CLVS1: variants seen among roughly 807,000 people sequenced by gnomAD.
CLVS1 encodes the protein clavesin 1.
CLVS1 carries 10 observed loss-of-function variants against 33.1 expected under a neutral mutation model. The observed-to-expected ratio is 0.30, with a 90% CI of 0.19 to 0.51. CLVS1 has a LOEUF of 0.51. CLVS1 is among the 20% of genes least tolerant of loss of function. The pLI is 0.97. For synonymous variants in CLVS1, 163 were observed against 166.1 expected (o/e 0.98, Z 0.14); for missense variants, 343 against 433.4 (o/e 0.79, Z 1.85).
chr8:61,467,552 C>T (rs10092232), intron 5 of CLVS1, among the ~76,000 whole-genome samples: 1 of 152,044 alleles, frequency 6.6e-6, no homozygotes, highest in African/African-American at 2.4e-5. Context: ...TGGACAGGCA[C>T]GGGTACAAAT....
At chr8:61,278,813 G>A (rs1040484283) in intron 2 of CLVS1, among the ~76,000 whole-genome samples, 3 of 152,180 alleles carry the variant, frequency 2.0e-5, no homozygotes, top group Non-Finnish European at 2.9e-5. Flanking sequence ...ATCACTGAGG[G>A]TGGCTTTGCC....
In CLVS1 at chr8:61,217,014, GT is replaced by G. The variant is rs570042686; in HGVS notation, c.-151-82662del. Among the ~76,000 whole-genome samples the G allele has an allele frequency of 4.4e-3, 664 of 152,130 alleles. 3 individuals carry two copies. Among genetic ancestry groups the G allele is most frequent in the Non-Finnish European group, 7.4e-3 (502 of 67,992 alleles). ...AAAAGTTTGCTCATCACTCATCTAG[GT>G]CTAAATTTTCCATCTTCTCTTTTCT... is the stretch of plus-strand genomic sequence containing the variant. On this transcript the variant is annotated intron_variant, in intron 2 of 2. Transcript: ENST00000522621.
intron 2 of CLVS1, among the ~76,000 whole-genome samples, chr8:61,215,183 G>A (rs769030182): frequency 7.9e-5 from 12 of 152,152 alleles, no homozygotes; most frequent in Admixed American, 2.6e-4. Flanking sequence ...GGATGAGGAT[G>A]TCAGGTATTC....
At chr8:61,401,415 T>A (rs948683598) in intron 3 of CLVS1, among the ~76,000 whole-genome samples, 24 of 152,166 alleles carry the variant, frequency 1.6e-4, no homozygotes, top group Non-Finnish European at 1.6e-4. Flanking sequence ...TTTTCATAGA[T>A]GTCTTGTATC....
chr8:61,287,583 T>G (rs1328588053), upstream of CLVS1, among the ~76,000 whole-genome samples: 1 of 152,230 alleles, frequency 6.6e-6, no homozygotes, highest in Admixed American at 6.5e-5. Context: ...TTTTAAATTT[T>G]ATGTTTTTGA....
chr8:61,037,479 C>T, the CLVS1 span, among the ~76,000 whole-genome samples: 1 of 152,166 alleles, frequency 6.6e-6, no homozygotes, highest in Non-Finnish European at 1.5e-5. Flanking sequence ...CATTTTAAGG[C>T]CGCATAATAT....
intron 5 of CLVS1, among the ~76,000 whole-genome samples, chr8:61,492,712 T>C (rs2129608689): frequency 6.6e-6 from 1 of 152,352 alleles, no homozygotes. Flanking sequence ...GGTTTTCTTA[T>C]ATTTCCAGTT....
At chr8:61,260,450 C>T (rs1809178667) in intron 2 of CLVS1, among the ~76,000 whole-genome samples, 1 of 152,234 alleles carries the variant, frequency 6.6e-6, no homozygotes. Context: ...TGCTAGCAGA[C>T]ATCTGTTCTC....
At chr8:60,995,645 A>G in the CLVS1 span, among the ~76,000 whole-genome samples, 1 of 152,256 alleles carries the variant, frequency 6.6e-6, no homozygotes, top group East Asian at 1.9e-4. Context: ...CATTTGACCC[A>G]GCCATCCCAT....
chr8:61,025,616 C>T, the CLVS1 span, among the ~76,000 whole-genome samples: 1 of 152,112 alleles, frequency 6.6e-6, no homozygotes, highest in African/African-American at 2.4e-5. Flanking sequence ...GAAGGCAAAC[C>T]CTTCGAAATA....
intron 1 of CLVS1, among the ~76,000 whole-genome samples, chr8:61,097,291 CA>C (rs563688254): frequency 7.0e-5 from 10 of 143,138 alleles, no homozygotes; most frequent in South Asian, 2.2e-4. Context: ...GACTCCATCT[CA>C]AAAAAAAATA....
At chr8:61,147,146 T>C (rs1434888492) in intron 2 of CLVS1, among the ~76,000 whole-genome samples, 3 of 152,174 alleles carry the variant, frequency 2.0e-5, no homozygotes, top group African/African-American at 4.8e-5. Context: ...AGACTGGGCA[T>C]TGAAAGTCCT....
intron 1 of CLVS1, among the ~76,000 whole-genome samples, chr8:61,120,936 G>A (rs368136485): frequency 6.7e-6 from 1 of 148,300 alleles, no homozygotes; most frequent in South Asian, 2.2e-4. Flanking sequence ...GTTTACCTAA[G>A]CAAGCCTGGG....
chr8:61,048,736 C>T, the CLVS1 span, among the ~76,000 whole-genome samples: 1 of 152,108 alleles, frequency 6.6e-6, no homozygotes, highest in Non-Finnish European at 1.5e-5. Context: ...GGAGCTCCCC[C>T]AACCTCCCAC....
At chr8:61,171,405 G>T (rs1265773904) in intron 2 of CLVS1, among the ~76,000 whole-genome samples, 2 of 152,056 alleles carry the variant, frequency 1.3e-5, no homozygotes, top group Non-Finnish European at 2.9e-5. Flanking sequence ...CATATCTTTG[G>T]AATATAACTG....
intron 5 of CLVS1, among the ~76,000 whole-genome samples, chr8:61,490,269 G>A (rs1321574820): frequency 6.7e-6 from 1 of 150,294 alleles, no homozygotes; most frequent in Non-Finnish European, 1.5e-5. Flanking sequence ...GTTGCAGTGA[G>A]CCAAGATTGC....
intron 2 of CLVS1, among the ~76,000 whole-genome samples, chr8:61,351,754 A>G (rs768986074): frequency 2.6e-5 from 4 of 152,102 alleles, no homozygotes; most frequent in Non-Finnish European, 4.4e-5. Flanking sequence ...ATCTGAAACC[A>G]TGGAAGCAGA....
chr8:61,017,346 C>T, the CLVS1 span, among the ~76,000 whole-genome samples: 16 of 152,288 alleles, frequency 1.1e-4, no homozygotes, highest in South Asian at 4.1e-4. Flanking sequence ...TATGGTATGC[C>T]GTGGGTGCCT....
chr8:61,140,666 C>A (rs1373598559), intron 2 of CLVS1, among the ~76,000 whole-genome samples: 2 of 152,140 alleles, frequency 1.3e-5, no homozygotes, highest in East Asian at 1.9e-4. Flanking sequence ...AGGTTCATGC[C>A]ATTCTCCTGC....
Sources: allele counts gnomAD v4.1 joint callset (sites outside exome capture counted in the v4.1 genomes callset), GRCh38; gene constraint gnomAD v4.1.1; transcripts MANE v1.5; gene names NCBI Gene and HGNC (gene_info 2026-07-23, HGNC 2026-07-21).